Variants in MTOR observed in about 807,000 individuals in gnomAD.
MTOR encodes serine/threonine-protein kinase mTOR.
A neutral mutation model predicts 319.8 loss-of-function variants in MTOR; 70 were observed. The ratio of observed to expected loss-of-function variants is 0.22; its 90% CI spans 0.18 to 0.27. The LOEUF (loss-of-function observed/expected upper bound fraction) is 0.27, where lower values mean the gene tolerates loss of function less well. Among genes scored for constraint, MTOR ranks in the 10% least tolerant of loss-of-function variants. MTOR has a pLI of 1.00. For synonymous variants in MTOR, 1,183 were observed against 1,211.4 expected, an observed-to-expected ratio of 0.98 and a Z score of 0.49; for missense variants, 1,890 against 3,274.4, an observed-to-expected ratio of 0.58 and a Z score of 10.32.
intron 19 of MTOR, among the ~76,000 whole-genome samples, chr1:11,219,085 T>A (rs916067820): frequency 6.6e-6 from 1 of 152,060 alleles, no homozygotes; most frequent in African/African-American, 2.4e-5. Context: ...CATAGTGGCA[T>A]GTGTCTGTAG....
At chr1:11,244,348 C>T (rs1557477404) in intron 8 of MTOR, among the ~76,000 whole-genome samples, 1 of 139,582 alleles carries the variant, frequency 7.2e-6, no homozygotes, top group Non-Finnish European at 1.6e-5. Flanking sequence ...AAAACCAGTA[C>T]AGGGTCGGGC....
At chr1:11,117,204 A>G (rs1642210034) in intron 49 of MTOR, 118 bp from the exon 50 acceptor site, 11 of 792,710 alleles carry the variant, frequency 1.4e-5, no homozygotes, top group Middle Eastern at 5.4e-4. Flanking sequence ...TCTGTCGCCC[A>G]GGCTGGAAGG....
At chr1:11,190,966 CA>C (rs1557823941) in intron 28 of MTOR, among the ~76,000 whole-genome samples, 4 of 152,198 alleles carry the variant, frequency 2.6e-5, no homozygotes, top group Non-Finnish European at 4.4e-5. Context: ...ATGTATCAAT[CA>C]CTTTCTAAGC....
chr1:11,254,124 CT>C, intron 5 of MTOR, 151 bp from the exon 6 acceptor site: 2 of 894,336 alleles, frequency 2.2e-6, no homozygotes, highest in Non-Finnish European at 3.4e-6. Flanking sequence ...TGATCAATCT[CT>C]TTTATTTAAT....
At chr1:11,193,903 A>G (rs1029451036) in intron 28 of MTOR, 14 of 1,049,120 alleles carry the variant, frequency 1.3e-5, no homozygotes, top group Admixed American at 1.3e-4. Context: ...GTTTTCCTGC[A>G]AGTTGTAATG....
chr1:11,250,068 C>A (rs1227821170), intron 6 of MTOR, among the ~76,000 whole-genome samples: 1 of 147,648 alleles, frequency 6.8e-6, no homozygotes, highest in African/African-American at 2.5e-5. Flanking sequence ...CACCTCCCTC[C>A]CGGACGGGGC....
chr1:11,260,412 C>A (rs1028604085), intron 1 of MTOR, among the ~76,000 whole-genome samples: 2 of 151,978 alleles, frequency 1.3e-5, no homozygotes, highest in South Asian at 4.2e-4. Flanking sequence ...CGTGGCAGTG[C>A]GTGCCTGTAA....
At chr1:11,221,186 G>T (rs1646648725) in intron 19 of MTOR, among the ~76,000 whole-genome samples, 1 of 151,876 alleles carries the variant, frequency 6.6e-6, no homozygotes, top group Non-Finnish European at 1.5e-5. Flanking sequence ...GTAGAGACGG[G>T]GTTTCGTCAT....
rs575513505 is a variant in MTOR at position 11,212,579 on chromosome 1, C to T, written c.3399-105G>A. On this transcript the variant is annotated intron_variant, in intron 22 of 57. Transcript: ENST00000361445. This position sits in a 1 kb window ranked among gnomAD's most constrained non-coding sequence, Gnocchi z 4.1. ...TCAGCACCAAAGGGATGGGAATGAA[C>T]GGCTTCTAAGGTATTTTGGATGACA... is the stretch of plus-strand genomic sequence containing the variant. 17 of 1,379,122 alleles carry T rather than the reference C, an allele frequency of 1.2e-5. No homozygotes were observed. In the African/African-American group the frequency reaches 2.0e-4, roughly 16 times the overall value. 85.4% of individuals were successfully genotyped at this position (1,379,122 alleles called of 1,614,324 possible). A position where few individuals can be genotyped will look rare whatever the true frequency, so the allele number is the denominator to read the frequency against.
In MTOR at chr1:11,243,300, T is replaced by A. The variant is rs2100922903; in HGVS notation, c.1226A>T (p.Asp409Val). Residue 409 changes from aspartate (D) to valine (V), a missense_variant and splice_region_variant, in exon 9 of 58, where the codon GAT becomes GTT. Around this residue, in one of 15 missense-constraint regions of MTOR, gnomAD observed 418 missense variants for 543.1 expected, o/e 0.77. Coordinates refer to ENST00000361445, the MANE Select transcript of MTOR (RefSeq NM_004958.4). ...LAAFRPSAFT[D>V]TQYLQDTMNH... The stretch of plus-strand genomic sequence containing the variant: ...CATGGTATCTTGGAGATACTGGGTA[T>A]CTGAGCACAGAAAAGACAAAGTAGA... The A allele has an allele frequency of 6.2e-7, 1 of 1,613,726 alleles. No homozygotes were observed.
At chr1:11,200,115 A>T (rs1174294806) in intron 26 of MTOR, among the ~76,000 whole-genome samples, 1 of 152,206 alleles carries the variant, frequency 6.6e-6, no homozygotes. Context: ...ACTGGAGGAA[A>T]TGGGAAATGA....
chr1:11,216,920 C>A (rs932984458), intron 19 of MTOR, among the ~76,000 whole-genome samples: 13 of 152,134 alleles, frequency 8.5e-5, no homozygotes, highest in Non-Finnish European at 1.9e-4. Flanking sequence ...CAATGAATGT[C>A]TGTATCATTG....
chr1:11,106,718 GC>G lies in MTOR; in HGVS notation c.*766del. 1.3e-5 allele frequency: 15 copies of G among 1,189,856 alleles called. No individual in the cohort carries two copies. The highest frequency in any genetic ancestry group is 1.6e-5 in the Non-Finnish European group (15 of 948,128). 73.7% of individuals were successfully genotyped at this position (1,189,856 alleles called of 1,614,324 possible). ...CCATGACAGTATTTCTGTTTTCTGA[GC>G]CCTTGCTCTAAACAGAGTATTTTGA... is the stretch of plus-strand genomic sequence containing the variant. On this transcript the variant is annotated 3_prime_UTR_variant, in exon 58 of 58. Transcript: ENST00000361445.
intron 54 of MTOR, chr1:11,111,813 A>G (rs923953516): frequency 1.3e-5 from 2 of 152,238 alleles, no homozygotes; most frequent in Non-Finnish European, 2.9e-5. Context: ...ACATTTGTAG[A>G]AAAGATATAC....
intron 46 of MTOR, among the ~76,000 whole-genome samples, chr1:11,125,644 C>A (rs1300979695): frequency 1.3e-5 from 2 of 149,724 alleles, no homozygotes; most frequent in African/African-American, 4.9e-5. Context: ...GCACGAGAAT[C>A]GCTTGAACTC....
chr1:11,224,973 C>G (rs889134100), intron 19 of MTOR, among the ~76,000 whole-genome samples: 5 of 152,048 alleles, frequency 3.3e-5, no homozygotes, highest in Non-Finnish European at 5.9e-5. Context: ...TTCTATGACA[C>G]CAATTACATG....
chr1:11,196,729 G>A (rs1645798032), intron 28 of MTOR, among the ~76,000 whole-genome samples: 1 of 152,026 alleles, frequency 6.6e-6, no homozygotes, highest in Non-Finnish European at 1.5e-5. Flanking sequence ...GCATGCGCCT[G>A]TAGTCCCAGC....
At chr1:11,179,534 A>T (rs1385794886) in intron 28 of MTOR, among the ~76,000 whole-genome samples, 1 of 152,236 alleles carries the variant, frequency 6.6e-6, no homozygotes. Context: ...CCTTTTGGCC[A>T]GCTTTAGGAG....
chr1:11,175,782 T>TCACC (rs565490219), intron 28 of MTOR, among the ~76,000 whole-genome samples: 159 of 148,152 alleles, frequency 1.1e-3, no homozygotes, highest in African/African-American at 3.8e-3. Context: ...TCTCACTCTG[T>TCACC]CACCCAGACT....
Sources: allele counts gnomAD v4.1 joint callset (sites outside exome capture counted in the v4.1 genomes callset), GRCh38; gene constraint gnomAD v4.1.1; regional missense constraint gnomAD v4.1.1; non-coding constraint Gnocchi (gnomAD v3.1); transcripts MANE v1.5; gene names NCBI Gene and HGNC (gene_info 2026-07-23, HGNC 2026-07-21).